PUM1: variants seen among roughly 807,000 people sequenced by gnomAD.
PUM1 encodes pumilio RNA binding family member 1, also known as pumilio homolog 1.
Under a neutral mutation model 131.8 loss-of-function variants are expected in PUM1, and 13 were observed. The observed-to-expected ratio is 0.10, with a 90% CI of 0.06 to 0.16. The LOEUF (loss-of-function observed/expected upper bound fraction) is 0.16, where lower values mean the gene tolerates loss of function less well. PUM1 is among the 10% of genes least tolerant of loss of function. The pLI, the probability that PUM1 is intolerant of heterozygous loss-of-function variation, is 1.00. For synonymous variants in PUM1, 509 were observed against 556.5 expected (o/e 0.91, Z 1.20); for missense variants, 961 against 1,512.4 (o/e 0.64, Z 6.05).
intron 17 of PUM1, among the ~76,000 whole-genome samples, chr1:30,949,701 T>C (rs1308901896): frequency 6.6e-6 from 1 of 152,174 alleles, no homozygotes; most frequent in East Asian, 1.9e-4. Context: ...TACCAGGCTA[T>C]GCACCATGCT....
intron 9 of PUM1, among the ~76,000 whole-genome samples, chr1:30,978,988 TAGCTACTC>T (rs1187307990): frequency 6.6e-6 from 1 of 151,720 alleles, no homozygotes. Context: ...ACAGTAGCCC[TAGCTACTC>T]AGGAGGCTGA....
chr1:31,009,040 G>A (rs61780466), intron 3 of PUM1, among the ~76,000 whole-genome samples: 10,649 of 149,930 alleles, frequency 0.071, 637 homozygotes, highest in East Asian at 0.29. Flanking sequence ...AAAATTGGCC[G>A]GGCGTGGTGG....
At chr1:30,968,086 G>T in intron 11 of PUM1, 1 of 587,922 alleles carries the variant, frequency 1.7e-6, no homozygotes, top group East Asian at 3.6e-5. Context: ...TTCTGAAACA[G>T]AAAACAGATA....
intron 2 of PUM1, among the ~76,000 whole-genome samples, chr1:31,032,320 A>G (rs541476810): frequency 7.4e-4 from 113 of 152,374 alleles, no homozygotes; most frequent in African/African-American, 2.6e-3. Context: ...CAAAAAATGA[A>G]GGCACTGTAA....
At chr1:31,030,033 T>C (rs978910393) in intron 2 of PUM1, among the ~76,000 whole-genome samples, 21 of 151,156 alleles carry the variant, frequency 1.4e-4, no homozygotes, top group Non-Finnish European at 2.8e-4. Flanking sequence ...CTGGCCAACA[T>C]GGTGAAACCC....
At chr1:31,028,425 G>T (rs1197128476) in intron 3 of PUM1, among the ~76,000 whole-genome samples, 2 of 151,888 alleles carry the variant, frequency 1.3e-5, no homozygotes, top group African/African-American at 4.8e-5. Flanking sequence ...TTGGCGGGGG[G>T]GGTGGGTTGG....
rs1376812559 is a variant in PUM1, at chr1:31,052,700, CT to C, written c.363+6503del. 2.7e-3 allele frequency among the ~76,000 whole-genome samples: 367 copies of C among 134,934 alleles called. 2 individuals are homozygous for C. The highest frequency in any genetic ancestry group is 0.023 in the East Asian group (108 of 4,624). The allele number at this position is 134,934 out of a possible 152,430, so 88.5% of individuals were successfully genotyped here. On this transcript the variant is annotated intron_variant, in intron 2 of 21. Transcript: ENST00000426105. ...TAGTATTTTGCTCCATATCCATTAT[CT>C]TTTTTTTTTTTTTTTGAGACAGAGC...
intron 2 of PUM1, among the ~76,000 whole-genome samples, chr1:31,049,548 T>C (rs1485664494): frequency 6.7e-6 from 1 of 148,724 alleles, no homozygotes; most frequent in African/African-American, 2.5e-5. Context: ...GGCATGGTAG[T>C]GGACACGTAT....
intron 2 of PUM1, among the ~76,000 whole-genome samples, chr1:31,056,830 T>C (rs868218701): frequency 6.6e-6 from 1 of 151,908 alleles, no homozygotes; most frequent in South Asian, 2.1e-4. Flanking sequence ...GTTTCACCCA[T>C]TGCCTAGGCT....
chr1:30,952,109 C>T (rs1184141530), intron 16 of PUM1, 125 bp downstream of exon 16: 3 of 897,038 alleles, frequency 3.3e-6, no homozygotes, highest in Non-Finnish European at 5.2e-6. Context: ...AAAACCTCTT[C>T]AAAAAGACCA....
At chr1:31,026,567 C>T (rs138340790) in intron 3 of PUM1, among the ~76,000 whole-genome samples, 9 of 152,318 alleles carry the variant, frequency 5.9e-5, no homozygotes, top group Middle Eastern at 3.4e-3. Context: ...TCACTCCACA[C>T]TTAGGAAATG....
At chr1:31,016,575 T>C (rs1642826006) in intron 3 of PUM1, among the ~76,000 whole-genome samples, 1 of 152,192 alleles carries the variant, frequency 6.6e-6, no homozygotes, top group Non-Finnish European at 1.5e-5. Flanking sequence ...CATGTAAAGA[T>C]GTTAAATGTT....
At chr1:31,044,504 G>C (rs1034208168) in intron 2 of PUM1, among the ~76,000 whole-genome samples, 1 of 152,172 alleles carries the variant, frequency 6.6e-6, no homozygotes, top group Non-Finnish European at 1.5e-5. Context: ...CACAAAACAT[G>C]CTTCACTTAT....
chr1:31,010,748 C>G (rs531663503), intron 3 of PUM1, among the ~76,000 whole-genome samples: 2 of 152,312 alleles, frequency 1.3e-5, no homozygotes, highest in East Asian at 3.9e-4. Flanking sequence ...TTTCTCCAAG[C>G]AAGCTTTGAG....
intron 17 of PUM1, among the ~76,000 whole-genome samples, chr1:30,947,698 C>A (rs1476804676): frequency 6.6e-6 from 1 of 152,098 alleles, no homozygotes; most frequent in African/African-American, 2.4e-5. Context: ...TAGAAGACTG[C>A]AAGTCACATC....
chr1:30,942,100 A>C lies in PUM1; in HGVS notation c.3018T>G (p.Pro1006=). 6.4e-7 allele frequency: 1 copy of C among 1,574,756 alleles called. No individual in the cohort carries two copies. The highest frequency in any genetic ancestry group is 8.6e-7 in the Non-Finnish European group (1 of 1,156,406). Residue 1006 remains proline, a synonymous_variant, in exon 19 of 22, where the codon CCT becomes CCG. Coordinates refer to ENST00000426105, the MANE Select transcript of PUM1 (RefSeq NM_001020658.2). The part of the protein sequence containing the change: ...KGQVFALSTH[P]YGCRVIQRIL... ...TTCTCTGAATCACTCGGCAGCCATA[A>C]GGATGTGTGGATAAGGCAAATACCT...
intron 12 of PUM1, 53 bp from the exon 13 acceptor site, chr1:30,966,331 C>T: frequency 2.7e-6 from 4 of 1,494,646 alleles, no homozygotes; most frequent in Non-Finnish European, 3.6e-6. Flanking sequence ...GCCACATTTC[C>T]AAACTACATT....
chr1:31,059,066 A>AC, intron 2 of PUM1, 138 bp downstream of exon 2: 1 of 1,010,972 alleles, frequency 9.9e-7, no homozygotes, highest in African/African-American at 1.6e-5. Flanking sequence ...ACAATGATCA[A>AC]CCTTTATAAC....
rs1327533324 is a variant in PUM1, at chr1:30,974,705, T to TGCTGCA, written c.1446_1451dup (p.Ala483_Ala484dup). On this transcript the variant is annotated inframe_insertion, in exon 10 of 22. Transcript: ENST00000426105. ...TGGTCTGTTGATTAGCTGAATTAGT[T>TGCTGCA]GCTGCAGCGGCAGCGGCAGCTTGCT... is the stretch of plus-strand genomic sequence containing the variant. 56 of 1,611,364 alleles carry TGCTGCA rather than the reference T, an allele frequency of 3.5e-5. No individual in the cohort carries two copies. Among genetic ancestry groups the TGCTGCA allele is most frequent in the Non-Finnish European group, 4.7e-5 (55 of 1,179,388 alleles).
Sources: allele counts gnomAD v4.1 joint callset (sites outside exome capture counted in the v4.1 genomes callset), GRCh38; gene constraint gnomAD v4.1.1; transcripts MANE v1.5; gene names NCBI Gene and HGNC (gene_info 2026-07-23, HGNC 2026-07-21).